The following MEF2A variants were observed in gnomAD, a reference collection of about 807,000 sequenced individuals.
MEF2A encodes the protein myocyte enhancer factor 2A.
A neutral mutation model predicts 55.8 loss-of-function variants in MEF2A; 28 were observed. That is an observed-to-expected ratio of 0.50 (90% CI 0.37 to 0.69). MEF2A has a LOEUF of 0.69. Ranked by LOEUF, MEF2A falls within the 30% of genes least tolerant of loss-of-function variation. The probability of loss-of-function intolerance (pLI) is 0.00; values close to 1 mark genes in which losing one functional copy is unlikely to be tolerated. For missense variants in MEF2A, 528 were observed against 626.2 expected (o/e 0.84, Z 1.67); for synonymous variants, 239 against 227.1 (o/e 1.05, Z -0.47).
intron 8 of MEF2A, among the ~76,000 whole-genome samples, chr15:99,699,478 A>G (rs532879696): frequency 6.6e-6 from 1 of 152,304 alleles, no homozygotes; most frequent in Admixed American, 6.5e-5. Context: ...TGTTAGATGC[A>G]TGGGTCTGTG....
chr15:99,609,524 G>A (rs556615001), intron 2 of MEF2A, among the ~76,000 whole-genome samples: 79 of 152,130 alleles, frequency 5.2e-4, no homozygotes, highest in African/African-American at 1.8e-3. Flanking sequence ...GTGTTTGTAC[G>A]ACATAATGTT....
chr15:99,574,177 C>G (rs959867866), intron 1 of MEF2A, among the ~76,000 whole-genome samples: 5 of 152,218 alleles, frequency 3.3e-5, no homozygotes, highest in East Asian at 1.9e-4. Flanking sequence ...CTTTGTCGTT[C>G]TTGCTCTCTT....
At chr15:99,711,814 C>T (rs915311318) in intron 11 of MEF2A, among the ~76,000 whole-genome samples, 8 of 152,220 alleles carry the variant, frequency 5.3e-5, no homozygotes, top group African/African-American at 1.9e-4. Flanking sequence ...TCCTGAGCAT[C>T]CTAAATGAAT....
chr15:99,632,516 T>C (rs1307559548), intron 2 of MEF2A, among the ~76,000 whole-genome samples: 3 of 152,152 alleles, frequency 2.0e-5, no homozygotes, highest in Non-Finnish European at 4.4e-5. Context: ...TGGAACCAGA[T>C]TCCCTGAGTT....
intron 8 of MEF2A, among the ~76,000 whole-genome samples, chr15:99,692,551 A>G (rs150048447): frequency 3.3e-5 from 5 of 152,280 alleles, no homozygotes; most frequent in Non-Finnish European, 5.9e-5. Context: ...AGCTAGGGTG[A>G]TTGGTGAATT....
chr15:99,697,386 C>T (rs959954526), intron 8 of MEF2A, among the ~76,000 whole-genome samples: 2 of 151,324 alleles, frequency 1.3e-5, no homozygotes, highest in African/African-American at 4.9e-5. Flanking sequence ...GTGAGTTTAG[C>T]AAGGTTGCAG....
intron 7 of MEF2A, 118 bp downstream of exon 7, chr15:99,675,576 T>G: frequency 1.3e-6 from 1 of 782,486 alleles, no homozygotes; most frequent in Non-Finnish European, 2.1e-6. Context: ...CTTTCACTAA[T>G]ACATCAAGAT....
At chr15:99,582,705 T>C (rs1028827859) in intron 1 of MEF2A, among the ~76,000 whole-genome samples, 1 of 152,166 alleles carries the variant, frequency 6.6e-6, no homozygotes, top group Non-Finnish European at 1.5e-5. Context: ...TTTCGACATA[T>C]GGCTTTAAAG....
intron 2 of MEF2A, among the ~76,000 whole-genome samples, chr15:99,606,846 A>C (rs1410217772): frequency 2.6e-5 from 4 of 152,186 alleles, no homozygotes; most frequent in African/African-American, 7.2e-5. Flanking sequence ...TGAGTAATAC[A>C]TGTACATGTG....
intron 7 of MEF2A, among the ~76,000 whole-genome samples, chr15:99,680,902 C>T (rs1254234196): frequency 6.6e-6 from 1 of 152,092 alleles, no homozygotes. Flanking sequence ...TTACTTATAA[C>T]TTGTTTTCCA....
chr15:99,585,890 G>A (rs116990786), intron 1 of MEF2A, among the ~76,000 whole-genome samples: 31 of 152,060 alleles, frequency 2.0e-4, no homozygotes, highest in Admixed American at 5.2e-4. Flanking sequence ...ATCTTTTTGT[G>A]TTCTTCGGTG....
Position 99,712,791 on chromosome 15 carries a change from G to T in MEF2A, c.*20G>T. ...ACCTAAGGCTTCCAAGCTGATGTTTGTACTTTTGTGTTACTGCAGTGACCT... is the reference window on the plus strand; with the variant it reads ...ACCTAAGGCTTCCAAGCTGATGTTTTTACTTTTGTGTTACTGCAGTGACCT... On this transcript the variant is annotated 3_prime_UTR_variant, in exon 12 of 12. Transcript: ENST00000557942. This position sits in a 1 kb window ranked among gnomAD's most constrained non-coding sequence, Gnocchi z 4.1. 2 of 1,548,324 alleles carry T rather than the reference G, an allele frequency of 1.3e-6. No individual in the cohort carries two copies. Among genetic ancestry groups the T allele is most frequent in the Non-Finnish European group, 1.7e-6 (2 of 1,144,190 alleles).
At chr15:99,643,881 G>A (rs1429394560) in intron 3 of MEF2A, among the ~76,000 whole-genome samples, 2 of 152,126 alleles carry the variant, frequency 1.3e-5, no homozygotes, top group East Asian at 1.9e-4. Context: ...GTGAGCCACC[G>A]TGCCCTGCTG....
At chr15:99,687,946 G>T (rs868320640) in intron 7 of MEF2A, among the ~76,000 whole-genome samples, 1 of 151,932 alleles carries the variant, frequency 6.6e-6, no homozygotes, top group Non-Finnish European at 1.5e-5. Flanking sequence ...CCAATTTTAG[G>T]CAGTTGCTAG....
intron 2 of MEF2A, among the ~76,000 whole-genome samples, chr15:99,615,902 G>A (rs2040108468): frequency 6.6e-6 from 1 of 152,180 alleles, no homozygotes; most frequent in Non-Finnish European, 1.5e-5. Context: ...TGAAGAAACT[G>A]TGGCTGAGCA....
intron 2 of MEF2A, among the ~76,000 whole-genome samples, chr15:99,624,900 A>C (rs987027287): frequency 6.6e-6 from 1 of 152,120 alleles, no homozygotes; most frequent in African/African-American, 2.4e-5. Context: ...TTCATTTTCT[A>C]AGTTCAGACG....
At chr15:99,708,559 C>T (rs541265425) in intron 10 of MEF2A, among the ~76,000 whole-genome samples, 2 of 152,362 alleles carry the variant, frequency 1.3e-5, no homozygotes, top group African/African-American at 4.8e-5. Context: ...TATCTTTCTT[C>T]TCTTTCTCGT....
intron 2 of MEF2A, among the ~76,000 whole-genome samples, chr15:99,601,124 C>T (rs574449144): frequency 1.2e-4 from 18 of 152,126 alleles, no homozygotes; most frequent in Admixed American, 2.0e-4. Context: ...TTGTTAAATT[C>T]ATCTCTAATT....
At position 99,631,458 on chromosome 15, in the gene MEF2A, T is replaced by G. The variant is rs10438475; in HGVS notation, c.-142-1520T>G. On this transcript the variant is annotated intron_variant, in intron 2 of 11. Coordinates refer to ENST00000557942, the MANE Select transcript of MEF2A (RefSeq NM_001319206.4). ...TTTTGTACATGTTGTTCTCCCTGCC[T>G]AATATGTATATCTCATACTCGAGTT... 6.7e-3 allele frequency among the ~76,000 whole-genome samples: 1,027 copies of G among 152,316 alleles called. 10 individuals are homozygous for G. Among genetic ancestry groups the G allele is most frequent in the African/African-American group, 0.024 (978 of 41,558 alleles).
Sources: gnomAD v4.1 joint callset for allele counts (sites outside exome capture counted in the v4.1 genomes callset) on GRCh38, gnomAD v4.1.1 for gene constraint, Gnocchi (gnomAD v3.1) non-coding constraint, MANE v1.5 for transcripts, NCBI Gene and HGNC (gene_info 2026-07-23, HGNC 2026-07-21) for gene names.